Variants in KIAA1328 observed in about 807,000 individuals in gnomAD.
The protein encoded by KIAA1328 is protein hinderin.
In KIAA1328, 52 loss-of-function variants were observed where a neutral mutation model predicts 68.1. The ratio of observed to expected loss-of-function variants is 0.76; its 90% CI spans 0.61 to 0.96. The LOEUF is 0.96. Ranked by LOEUF, KIAA1328 falls within the 40% of genes least tolerant of loss-of-function variation. The pLI, the probability that KIAA1328 is intolerant of heterozygous loss-of-function variation, is 0.00. For synonymous variants in KIAA1328, 232 were observed against 239.4 expected (o/e 0.97, Z 0.28); for missense variants, 641 against 677.6 (o/e 0.95, Z 0.60).
In KIAA1328 at chr18:37,024,918, G is replaced by A. The variant is rs1030238391; in HGVS notation, c.577-41972G>A. On this transcript the variant is annotated intron_variant, in intron 6 of 9. Coordinates refer to ENST00000280020, the MANE Select transcript of KIAA1328 (RefSeq NM_020776.3). ...AGTAATGTGATGGCTGGGTCAAATGGTATTCCTAGTTCTAGATCCCTGAGG... is the reference window on the plus strand; with the variant it reads ...AGTAATGTGATGGCTGGGTCAAATGATATTCCTAGTTCTAGATCCCTGAGG... 2.6e-5 allele frequency among the ~76,000 whole-genome samples: 4 copies of A among 152,210 alleles called. No individual in the cohort carries two copies. The East Asian group carries it at 7.7e-4, about 29-fold the overall frequency.
chr18:36,901,455 T>G (rs2049036269), intron 5 of KIAA1328, among the ~76,000 whole-genome samples: 1 of 152,010 alleles, frequency 6.6e-6, no homozygotes, highest in Non-Finnish European at 1.5e-5. Context: ...TGTGGATGCT[T>G]TTGTGAATGC....
At chr18:37,057,798 G>T (rs1037423110) in intron 6 of KIAA1328, among the ~76,000 whole-genome samples, 2 of 152,024 alleles carry the variant, frequency 1.3e-5, no homozygotes, top group African/African-American at 4.8e-5. Flanking sequence ...TACAACCATT[G>T]TCCATGTATT....
chr18:36,946,849 T>G (rs796255347), intron 5 of KIAA1328, among the ~76,000 whole-genome samples: 7 of 152,292 alleles, frequency 4.6e-5, no homozygotes, highest in African/African-American at 1.7e-4. Flanking sequence ...ATCTTATTCT[T>G]AAAAGAGAAC....
At chr18:36,846,923 A>G (rs1029590286) in intron 4 of KIAA1328, among the ~76,000 whole-genome samples, 9 of 151,408 alleles carry the variant, frequency 5.9e-5, no homozygotes, top group African/African-American at 2.2e-4. Flanking sequence ...TACCCATTCA[A>G]TAATACCTCC....
intron 6 of KIAA1328, among the ~76,000 whole-genome samples, chr18:37,040,479 G>A (rs322658): frequency 0.73 from 111,273 of 151,894 alleles, 43,889 homozygotes; most frequent in South Asian, 0.89. Context: ...TTATTAATAA[G>A]TGTAACTAAA....
chr18:37,229,691 G>A (rs772598333), downstream of KIAA1328: 2 of 418,770 alleles, frequency 4.8e-6, no homozygotes, highest in African/African-American at 2.1e-5. Context: ...TGGCTAACAC[G>A]GTGAAACCCC....
chr18:37,184,324 CA>C (rs1041688950), intron 9 of KIAA1328, among the ~76,000 whole-genome samples: 2 of 152,148 alleles, frequency 1.3e-5, no homozygotes, highest in African/African-American at 4.8e-5. Context: ...AGGGTATTTC[CA>C]GACAAGATAA....
chr18:37,230,909 C>T (rs2060661354), downstream of KIAA1328: 1 of 152,148 alleles, frequency 6.6e-6, no homozygotes, highest in Non-Finnish European at 1.5e-5. Context: ...AGGAGTGCAC[C>T]CCTTAGAGTG....
At chr18:36,865,647 C>G (rs970965426) in intron 4 of KIAA1328, among the ~76,000 whole-genome samples, 2 of 152,032 alleles carry the variant, frequency 1.3e-5, no homozygotes, top group African/African-American at 4.8e-5. Flanking sequence ...GCACAGAAGT[C>G]ATCTTTATTT....
At chr18:36,995,964 C>A (rs532227801) in intron 6 of KIAA1328, among the ~76,000 whole-genome samples, 7 of 152,286 alleles carry the variant, frequency 4.6e-5, no homozygotes, top group African/African-American at 1.7e-4. Flanking sequence ...ATAATGATTA[C>A]TTTTGTTTAT....
chr18:37,027,692 C>T (rs575510688), intron 6 of KIAA1328, among the ~76,000 whole-genome samples: 188 of 152,276 alleles, frequency 1.2e-3, no homozygotes, highest in African/African-American at 4.3e-3. Flanking sequence ...TGGATCCCTT[C>T]CTTACCCCTT....
At chr18:36,959,813 T>A (rs924591920) in intron 6 of KIAA1328, among the ~76,000 whole-genome samples, 3 of 152,244 alleles carry the variant, frequency 2.0e-5, no homozygotes, top group Admixed American at 6.5e-5. Flanking sequence ...TTTTTTAGAA[T>A]AATGAAAGTT....
Position 37,067,592 on chromosome 18 carries a change from G to T in KIAA1328, c.1232+47G>T, listed in dbSNP as rs572383241. On this transcript the variant is annotated intron_variant, in intron 7 of 9. Transcript: ENST00000280020. ...TTTTTTTTTTTTGAGACGAAATCTC[G>T]CCCTGTTGCCCAGGCTGGAGTGTAG... The T allele has an allele frequency of 3.2e-5, 46 of 1,433,104 alleles. No individual in the cohort carries two copies. The East Asian group carries it at 1.1e-3, about 33-fold the overall frequency. The allele number at this position is 1,433,104 out of a possible 1,614,324, so 88.8% of individuals were successfully genotyped here. A position where few individuals can be genotyped will look rare whatever the true frequency, so the allele number is the denominator to read the frequency against.
chr18:37,095,936 G>A (rs2057392396), intron 7 of KIAA1328, among the ~76,000 whole-genome samples: 1 of 152,124 alleles, frequency 6.6e-6, no homozygotes, highest in South Asian at 2.1e-4. Flanking sequence ...AATTGAACCG[G>A]GAAGAAATTG....
At chr18:36,947,928 G>T (rs924247740) in intron 5 of KIAA1328, among the ~76,000 whole-genome samples, 2 of 152,110 alleles carry the variant, frequency 1.3e-5, no homozygotes, top group East Asian at 3.9e-4. Flanking sequence ...TGCTTTGCCA[G>T]TCTTAAGATC....
intron 6 of KIAA1328, among the ~76,000 whole-genome samples, chr18:36,989,776 G>A: frequency 6.6e-6 from 1 of 151,954 alleles, no homozygotes; most frequent in Admixed American, 6.6e-5. Flanking sequence ...CTCACTTCAA[G>A]CTCCGCCCCC....
At chr18:36,934,170 T>C (rs1301444956) in intron 5 of KIAA1328, among the ~76,000 whole-genome samples, 1 of 152,124 alleles carries the variant, frequency 6.6e-6, no homozygotes, top group Non-Finnish European at 1.5e-5. Flanking sequence ...GGCTGGGAAC[T>C]AGCATCTGAC....
chr18:36,985,813 T>G (rs1307807192), intron 6 of KIAA1328, among the ~76,000 whole-genome samples: 2 of 152,070 alleles, frequency 1.3e-5, no homozygotes, highest in African/African-American at 4.8e-5. Flanking sequence ...GATTATTAGA[T>G]ACAACACCAG....
chr18:37,106,422 C>CT (rs1314317662), intron 7 of KIAA1328, among the ~76,000 whole-genome samples: 22,065 of 140,096 alleles, frequency 0.16, 1,768 homozygotes, highest in African/African-American at 0.2. Context: ...CTAAAAATCA[C>CT]TTTTTTTTTT....
Sources: gnomAD v4.1 joint callset for allele counts (sites outside exome capture counted in the v4.1 genomes callset) on GRCh38, gnomAD v4.1.1 for gene constraint, MANE v1.5 for transcripts, NCBI Gene and HGNC (gene_info 2026-07-23, HGNC 2026-07-21) for gene names.